NXN: variants seen among roughly 807,000 people sequenced by gnomAD.
NXN encodes the protein nucleoredoxin.
Under a neutral mutation model 48.6 loss-of-function variants are expected in NXN, and 16 were observed. The ratio of observed to expected loss-of-function variants is 0.33; its 90% CI spans 0.22 to 0.50. The LOEUF is 0.50. NXN is among the 20% of genes least tolerant of loss of function. The pLI is 0.98. For synonymous variants in NXN, 281 were observed against 269.6 expected, an observed-to-expected ratio of 1.04 and a Z score of -0.41; for missense variants, 492 against 605.5, an observed-to-expected ratio of 0.81 and a Z score of 1.97.
In NXN at chr17:800,902, A is replaced by G. The variant is rs1385170461; in HGVS notation, c.*47T>C. On this transcript the variant is annotated 3_prime_UTR_variant, in exon 8 of 8. Coordinates refer to ENST00000336868, the MANE Select transcript of NXN (RefSeq NM_022463.5). Reference sequence around the variant, plus strand: ...AAGGGCGGAAGGAAGGAGGGGGAGGAGGAGAAGGCTGAGTTTTAAATAACG... The same window carrying G: ...AAGGGCGGAAGGAAGGAGGGGGAGGGGGAGAAGGCTGAGTTTTAAATAACG... 4 of 1,289,874 alleles carry G rather than the reference A, an allele frequency of 3.1e-6. No homozygotes were observed. The highest frequency in any genetic ancestry group is 4.1e-6 in the Non-Finnish European group (4 of 981,858). 79.9% of individuals were successfully genotyped at this position (1,289,874 alleles called of 1,614,324 possible).
Position 916,598 on chromosome 17 carries a change from C to T in NXN, c.360+62721G>A, listed in dbSNP as rs535261184. 2.6e-5 allele frequency among the ~76,000 whole-genome samples: 4 copies of T among 152,222 alleles called. No homozygotes were observed. The East Asian group carries it at 7.7e-4, about 29-fold the overall frequency. ...AATCAGTTTTAAGTGTTTGGGGATC[C>T]CAGGGATCCCTGCAAAGCACTCAGG... On this transcript the variant is annotated intron_variant, in intron 1 of 7. Coordinates refer to ENST00000336868, the MANE Select transcript of NXN (RefSeq NM_022463.5).
At position 958,589 on chromosome 17, in the gene NXN, G is replaced by A. The variant is rs1274048897; in HGVS notation, c.360+20730C>T. Among the ~76,000 whole-genome samples, 2 of 152,114 alleles carry A rather than the reference G, an allele frequency of 1.3e-5. No homozygotes were observed. Among genetic ancestry groups the A allele is most frequent in the Non-Finnish European group, 2.9e-5 (2 of 68,024 alleles). On this transcript the variant is annotated intron_variant, in intron 1 of 7. Transcript: ENST00000336868. This position sits in a 1 kb window ranked among gnomAD's most constrained non-coding sequence, Gnocchi z 6.9. ...AGTTCGAGACCAGCCTGGCCAACAT[G>A]GTGAAACCCCATCTGTACTAAAAAT...
Position 889,761 on chromosome 17 carries a change from A to AAGAAAAAG in NXN, c.361-63684_361-63683insCTTTTTCT, listed in dbSNP as rs1555619043. ...AAAGAAAGAAAGAAAGAAAGAAAGA[A>AAGAAAAAG]AAAGAAAGAAAGAAAAGAGAGAGAA... On this transcript the variant is annotated intron_variant, in intron 1 of 7. Transcript: ENST00000336868. 1.1e-3 allele frequency among the ~76,000 whole-genome samples: 80 copies of AAGAAAAAG among 70,804 alleles called. 1 individual carries two copies. Among genetic ancestry groups the AAGAAAAAG allele is most frequent in the African/African-American group, 4.8e-3 (74 of 15,488 alleles). The allele number at this position is 70,804 out of a possible 152,430, so 46.5% of individuals were successfully genotyped here. A position where few individuals can be genotyped will look rare whatever the true frequency, so the allele number is the denominator to read the frequency against.
chr17:961,937 CCTT>C (rs1038833698), intron 1 of NXN, among the ~76,000 whole-genome samples: 28 of 152,248 alleles, frequency 1.8e-4, no homozygotes, highest in South Asian at 4.1e-4. Flanking sequence ...GAGTTCAAGA[CCTT>C]CCTGACCAAC....
At chr17:923,349 C>T (rs923444465) in intron 1 of NXN, among the ~76,000 whole-genome samples, 6 of 152,044 alleles carry the variant, frequency 3.9e-5, no homozygotes, top group African/African-American at 1.4e-4. Flanking sequence ...AGCAAGACCC[C>T]GCTTTACACC....
At chr17:972,176 C>T (rs2069391117) in intron 1 of NXN, among the ~76,000 whole-genome samples, 2 of 152,072 alleles carry the variant, frequency 1.3e-5, no homozygotes, top group Non-Finnish European at 2.9e-5. Context: ...GGCACATGCG[C>T]CTATAATCCC....
At position 978,653 on chromosome 17, in the gene NXN, G is replaced by A. The variant is rs960260778; in HGVS notation, c.360+666C>T. 6 of 152,226 alleles carry A rather than the reference G, an allele frequency of 3.9e-5. No homozygotes were observed. The highest frequency in any genetic ancestry group is 3.9e-4 in the Admixed American group (6 of 15,282). 9.4% of individuals were successfully genotyped at this position (152,226 alleles called of 1,614,324 possible). ...AGCCTGGGGCGGGGGAGGCGGGGGC[G>A]GGAGACGGAGCCGTGAGCGCCCTTC... On this transcript the variant is annotated intron_variant, in intron 1 of 7. Transcript: ENST00000336868. The surrounding 1 kb of genome is among the most constrained non-coding windows in gnomAD (Gnocchi z 4.1).
chr17:843,124 G>C lies in NXN; in HGVS notation c.361-17046C>G, dbSNP rs141627434. On this transcript the variant is annotated intron_variant, in intron 1 of 7. Transcript: ENST00000336868. ...TCAATGAACAACAACAAATAACTGA[G>C]GTTAAAATAATGGCCACGAATGAAG... 7.9e-4 allele frequency among the ~76,000 whole-genome samples: 121 copies of C among 152,314 alleles called. 2 individuals are homozygous for C. The East Asian group carries it at 0.019, about 24-fold the overall frequency.
At chr17:819,656 C>T (rs1912710313) in intron 4 of NXN, 111 bp from the exon 5 acceptor site, 2 of 742,770 alleles carry the variant, frequency 2.7e-6, no homozygotes, top group Non-Finnish European at 4.5e-6. Context: ...GCCGGGGTTT[C>T]TAACCACTGT....
chr17:858,360 TA>T (rs2068007236), intron 1 of NXN, among the ~76,000 whole-genome samples: 1 of 152,056 alleles, frequency 6.6e-6, no homozygotes, highest in Admixed American at 6.6e-5. Context: ...AAGAAAAATG[TA>T]AGTAAATGGT....
chr17:920,912 G>A lies in NXN; in HGVS notation c.360+58407C>T, dbSNP rs757245700. ...TAATTTTTGTAATTTTAGTAAAGACGGGGTTTTGCCATGTTAGCCAGGCTG... is the reference window on the plus strand; with the variant it reads ...TAATTTTTGTAATTTTAGTAAAGACAGGGTTTTGCCATGTTAGCCAGGCTG... On this transcript the variant is annotated intron_variant, in intron 1 of 7. Coordinates refer to ENST00000336868, the MANE Select transcript of NXN (RefSeq NM_022463.5). The surrounding 1 kb of genome is among the most constrained non-coding windows in gnomAD (Gnocchi z 4.6). Among the ~76,000 whole-genome samples the A allele has an allele frequency of 5.3e-5, 8 of 152,000 alleles. No individual in the cohort carries two copies. Among genetic ancestry groups the A allele is most frequent in the South Asian group, 4.2e-4 (2 of 4,818 alleles).
chr17:914,746 G>C (rs901564576), intron 1 of NXN, among the ~76,000 whole-genome samples: 2 of 152,142 alleles, frequency 1.3e-5, no homozygotes, highest in Admixed American at 6.5e-5. Context: ...AACAGGGAGC[G>C]TACCGTGATG....
rs970384218 is a variant in NXN at position 895,043 on chromosome 17, A to C, written c.361-68965T>G. Among the ~76,000 whole-genome samples, 14 of 97,030 alleles carry C rather than the reference A, an allele frequency of 1.4e-4. No homozygotes were observed. The East Asian group carries it at 2.8e-3, about 20-fold the overall frequency. 63.7% of individuals were successfully genotyped at this position (97,030 alleles called of 152,430 possible). ...TTTTTTTTTTTTTTTTTGAGACTAA[A>C]TCTCACTCCGTCGCCCAGGCTGGAG... On this transcript the variant is annotated intron_variant, in intron 1 of 7. Transcript: ENST00000336868.
At chr17:926,539 TTTTTTG>T (rs931087052) in intron 1 of NXN, among the ~76,000 whole-genome samples, 3 of 94,122 alleles carry the variant, frequency 3.2e-5, no homozygotes, top group African/African-American at 9.3e-5. Context: ...TTTTTGTTTT[TTTTTTG>T]TTTTTTTGTT....
intron 1 of NXN, chr17:930,004 G>T (rs111807661): frequency 4.6e-5 from 7 of 152,116 alleles, no homozygotes; most frequent in African/African-American, 1.7e-4. Flanking sequence ...AATGACGGGG[G>T]TTAGAATAAA....
At chr17:940,589 C>G (rs2068960688) in intron 1 of NXN, among the ~76,000 whole-genome samples, 1 of 152,250 alleles carries the variant, frequency 6.6e-6, no homozygotes, top group Non-Finnish European at 1.5e-5. Flanking sequence ...CCTCATCTCA[C>G]AACAGCCCAG....
chr17:897,828 A>G (rs139440686), intron 1 of NXN, among the ~76,000 whole-genome samples: 2,467 of 152,264 alleles, frequency 0.016, 27 homozygotes, highest in Non-Finnish European at 0.023. Flanking sequence ...GGTGCCCGCC[A>G]CCACGCATGG....
chr17:900,617 G>A (rs930728455), intron 1 of NXN, among the ~76,000 whole-genome samples: 2 of 152,150 alleles, frequency 1.3e-5, no homozygotes, highest in African/African-American at 4.8e-5. Context: ...CCCGTTCAAG[G>A]AGAAGAAACA....
intron 1 of NXN, among the ~76,000 whole-genome samples, chr17:866,974 T>C (rs906887566): frequency 2.0e-5 from 3 of 151,994 alleles, no homozygotes; most frequent in African/African-American, 7.3e-5. Flanking sequence ...GGTCAGCAAG[T>C]TCTCGGGGTT....
Sources: allele counts gnomAD v4.1 joint callset (sites outside exome capture counted in the v4.1 genomes callset), GRCh38; gene constraint gnomAD v4.1.1; non-coding constraint Gnocchi (gnomAD v3.1); transcripts MANE v1.5; gene names NCBI Gene and HGNC (gene_info 2026-07-23, HGNC 2026-07-21).